HPSE: variants seen among roughly 807,000 people sequenced by gnomAD.
The protein encoded by HPSE is heparanase, also known as endo-glucoronidase.
Under a neutral mutation model 65.1 loss-of-function variants are expected in HPSE, and 48 were observed. The observed-to-expected ratio is 0.74, with a 90% confidence interval of 0.58 to 0.94. The LOEUF (loss-of-function observed/expected upper bound fraction) is 0.94. HPSE is among the 40% of genes least tolerant of loss of function. The probability of loss-of-function intolerance (pLI) is 0.00; values close to 1 mark genes in which losing one functional copy is unlikely to be tolerated. For missense variants in HPSE, 644 were observed against 637.5 expected, an observed-to-expected ratio of 1.01 and a Z score of -0.11; for synonymous variants, 243 against 260.0, an observed-to-expected ratio of 0.93 and a Z score of 0.63.
Position 83,309,970 on chromosome 4 carries a change from A to T in HPSE, c.890+61T>A. ...AGTTAAATGAACTAACTTTTTGAATACTAGGTAATAAATAAAGCTAGCCTT... is the reference window on the plus strand; with the variant it reads ...AGTTAAATGAACTAACTTTTTGAATTCTAGGTAATAAATAAAGCTAGCCTT... On this transcript the variant is annotated intron_variant, in intron 6 of 11. Coordinates refer to ENST00000311412, the MANE Select transcript of HPSE (RefSeq NM_001098540.3). 7.4e-6 allele frequency: 9 copies of T among 1,214,318 alleles called. No individual in the cohort carries two copies. In the South Asian group the frequency reaches 9.4e-5, roughly 13 times the overall value. 75.2% of individuals were successfully genotyped at this position (1,214,318 alleles called of 1,614,324 possible). A position where few individuals can be genotyped will look rare whatever the true frequency, so the allele number is the denominator to read the frequency against.
At chr4:83,323,059 A>G (rs1331551995) in intron 1 of HPSE, among the ~76,000 whole-genome samples, 2 of 152,132 alleles carry the variant, frequency 1.3e-5, no homozygotes, top group African/African-American at 4.8e-5. Flanking sequence ...AAGAAATGAT[A>G]GAATAGAAAC....
At chr4:83,316,955 C>T (rs1220366667) in intron 3 of HPSE, among the ~76,000 whole-genome samples, 3 of 152,098 alleles carry the variant, frequency 2.0e-5, no homozygotes, top group Non-Finnish European at 2.9e-5. Flanking sequence ...GGCTAGCGTG[C>T]GGTGGCGCAA....
chr4:83,307,347 C>A (rs1455559359), intron 8 of HPSE, among the ~76,000 whole-genome samples: 1 of 152,178 alleles, frequency 6.6e-6, no homozygotes, highest in African/African-American at 2.4e-5. Flanking sequence ...GAGGAATTAA[C>A]AGGAAGCCAG....
At chr4:83,305,026 C>A (rs1363161687) in intron 9 of HPSE, among the ~76,000 whole-genome samples, 1 of 152,116 alleles carries the variant, frequency 6.6e-6, no homozygotes, top group African/African-American at 2.4e-5. Context: ...GACTGTCATG[C>A]AAATAAAATA....
chr4:83,334,758 G>T lies in HPSE; in HGVS notation c.25C>A (p.Leu9Met). 6.4e-7 allele frequency: 1 copy of T among 1,551,734 alleles called. No individual in the cohort carries two copies. The highest frequency in any genetic ancestry group is 8.7e-7 in the Non-Finnish European group (1 of 1,147,704). The change falls in exon 1 of 12, where the codon CTG (leucine) becomes ATG (methionine). Residue 9 changes from leucine (L) to methionine (M), a missense_variant. Physicochemically the swap from Leu to Met is conservative, Grantham distance 15. Transcript: ENST00000311412. MLLRSKPA[L>M]PPPLMLLLLG... is the part of the protein sequence containing the mutation. ...AGCAGCAGCATCAGCGGCGGCGGCAGCGCAGGCTTCGAGCGCAGCAGCATC... is the reference window on the plus strand; with the variant it reads ...AGCAGCAGCATCAGCGGCGGCGGCATCGCAGGCTTCGAGCGCAGCAGCATC...
At chr4:83,325,183 GTT>G (rs1405276201) in intron 1 of HPSE, among the ~76,000 whole-genome samples, 1 of 128,110 alleles carries the variant, frequency 7.8e-6, no homozygotes, top group Non-Finnish European at 1.6e-5. Flanking sequence ...GTGTGTGTGT[GTT>G]TTGAGACAGG....
At chr4:83,301,889 G>A (rs1049793090) in intron 10 of HPSE, among the ~76,000 whole-genome samples, 2 of 152,086 alleles carry the variant, frequency 1.3e-5, no homozygotes, top group African/African-American at 2.4e-5. Context: ...CCCGGGAGGC[G>A]GAGGTTGCAG....
At chr4:83,331,865 A>G (rs749868750) in intron 1 of HPSE, among the ~76,000 whole-genome samples, 1 of 152,230 alleles carries the variant, frequency 6.6e-6, no homozygotes, top group Non-Finnish European at 1.5e-5. Context: ...TTTAAAAAAT[A>G]TAATCTGCTT....
intron 5 of HPSE, 58 bp downstream of exon 5, chr4:83,310,664 T>C (rs1736331549): frequency 8.0e-6 from 12 of 1,500,172 alleles, no homozygotes; most frequent in Non-Finnish European, 1.1e-5. Flanking sequence ...AGAGTGAGAC[T>C]CTGTCTCAAA....
intron 3 of HPSE, 147 bp from the exon 4 acceptor site, chr4:83,313,434 A>C (rs1256741011): frequency 5.3e-6 from 3 of 565,950 alleles, no homozygotes; most frequent in African/African-American, 3.8e-5. Flanking sequence ...TTTTTGAGAC[A>C]ACAAAATTGG....
rs767885091 is a variant in HPSE at position 83,310,739 on chromosome 4, C to T, written c.825G>A (p.Thr275=). 61 of 1,611,850 alleles carry T rather than the reference C, an allele frequency of 3.8e-5. No individual in the cohort carries two copies. In the East Asian group the frequency reaches 8.0e-4, roughly 21 times the overall value. Residue 275 remains threonine, a synonymous_variant, in exon 5 of 12, where the codon ACG becomes ACA. Coordinates refer to ENST00000311412, the MANE Select transcript of HPSE (RefSeq NM_001098540.3). ...GPDVGQPRRK[T]AKMLKSFLKA... ...GTTCCTACCTCTTCAGCATCTTAGC[C>T]GTCTTTCTTCGAGGCTGACCAACAT...
rs775591944 is a variant in HPSE at position 83,295,512 on chromosome 4, G to A, written c.1473-9C>T. The A allele has an allele frequency of 6.4e-7, 1 of 1,561,382 alleles. No homozygotes were observed. Among genetic ancestry groups the A allele is most frequent in the African/African-American group, 1.4e-5 (1 of 73,342 alleles). Reference sequence around the variant, plus strand: ...CATTGAGTTGGACAGATCTGCAAAGGAGAAAGATACACCGAGTTAACCAAG... The same window carrying A: ...CATTGAGTTGGACAGATCTGCAAAGAAGAAAGATACACCGAGTTAACCAAG... On this transcript the variant is annotated splice_polypyrimidine_tract_variant and intron_variant, in intron 11 of 11. Transcript: ENST00000311412.
chr4:83,311,836 A>G (rs950759665), intron 4 of HPSE, among the ~76,000 whole-genome samples: 1 of 151,668 alleles, frequency 6.6e-6, no homozygotes, highest in African/African-American at 2.4e-5. Flanking sequence ...TGCTTATCCT[A>G]TTACTACATT....
intron 9 of HPSE, among the ~76,000 whole-genome samples, chr4:83,304,058 T>G (rs922354176): frequency 1.3e-5 from 2 of 152,140 alleles, no homozygotes; most frequent in Non-Finnish European, 2.9e-5. Context: ...TATTAATACA[T>G]GTATGTTAAC....
At chr4:83,303,751 A>C (rs1379704337) in intron 9 of HPSE, among the ~76,000 whole-genome samples, 1 of 150,536 alleles carries the variant, frequency 6.6e-6, no homozygotes, top group African/African-American at 2.4e-5. Context: ...CTGGTCTTGA[A>C]CTCCTGGGCT....
intron 1 of HPSE, among the ~76,000 whole-genome samples, chr4:83,325,528 A>G (rs545841009): frequency 6.6e-6 from 1 of 152,270 alleles, no homozygotes; most frequent in Admixed American, 6.5e-5. Flanking sequence ...GCCATCTGTT[A>G]ATTTATTCAA....
chr4:83,334,536 ACCAGGAGGCTGGCGCTTACC>A lies in HPSE; in HGVS notation c.227_227+19del. On this transcript the variant is annotated splice_donor_variant and splice_donor_5th_base_variant and coding_sequence_variant and intron_variant, in exon 1 of 12. Coordinates refer to ENST00000311412, the MANE Select transcript of HPSE (RefSeq NM_001098540.3). LOFTEE classifies it high-confidence loss of function. ...TCAGGAGGACAGGAAAGGGGACAGG[ACCAGGAGGCTGGCGCTTACC>A]CCAGGAGGATGAGGAACCGCGGGTC... 1 of 1,559,828 alleles carries A rather than the reference ACCAGGAGGCTGGCGCTTACC, an allele frequency of 6.4e-7. No homozygotes were observed. The highest frequency in any genetic ancestry group is 1.2e-5 in the South Asian group (1 of 84,648).
intron 9 of HPSE, among the ~76,000 whole-genome samples, chr4:83,303,007 T>A (rs1291916907): frequency 6.6e-6 from 1 of 152,060 alleles, no homozygotes; most frequent in African/African-American, 2.4e-5. Flanking sequence ...TAAAAAAAAA[T>A]TTATTTTAAA....
chr4:83,306,477 G>A (rs982889615), intron 8 of HPSE, among the ~76,000 whole-genome samples, 160 bp from the exon 9 acceptor site: 7 of 152,092 alleles, frequency 4.6e-5, no homozygotes, highest in Non-Finnish European at 1.0e-4. Context: ...GTGCAGTGGC[G>A]TGATCATAGC....
Sources: allele counts gnomAD v4.1 joint callset (sites outside exome capture counted in the v4.1 genomes callset), GRCh38; gene constraint gnomAD v4.1.1; transcripts MANE v1.5; gene names NCBI Gene and HGNC (gene_info 2026-07-23, HGNC 2026-07-21).